Variants in GABRR1 observed in about 807,000 individuals in gnomAD.
GABRR1 encodes the protein gamma-aminobutyric acid receptor subunit rho-1.
Under a neutral mutation model 55.5 loss-of-function variants are expected in GABRR1, and 59 were observed. That is an observed-to-expected ratio of 1.06 (90% CI 0.86 to 1.32). GABRR1 has a LOEUF of 1.32. Among genes scored for constraint, GABRR1 ranks in the 40% most tolerant of loss-of-function variants. The pLI, the probability that GABRR1 is intolerant of heterozygous loss-of-function variation, is 0.00. For missense variants in GABRR1, 602 were observed against 619.1 expected (o/e 0.97, Z 0.29); for synonymous variants, 213 against 226.0 (o/e 0.94, Z 0.51).
chr6:89,212,944 T>A (rs1772875457), intron 1 of GABRR1, among the ~76,000 whole-genome samples: 1 of 152,184 alleles, frequency 6.6e-6, no homozygotes, highest in African/African-American at 2.4e-5. Flanking sequence ...AGTGCTGGGA[T>A]TACAGGCATG....
chr6:89,190,252 G>A lies in GABRR1; in HGVS notation c.573-5C>T. On this transcript the variant is annotated splice_polypyrimidine_tract_variant and splice_region_variant and intron_variant, in intron 5 of 9. Transcript: ENST00000454853. ...CACATTGCAGTTACTGTAACCCTAGGGCCAAAAAGACAAAATTGATTTATT... is the reference window on the plus strand; with the variant it reads ...CACATTGCAGTTACTGTAACCCTAGAGCCAAAAAGACAAAATTGATTTATT... 1 of 1,595,026 alleles carries A rather than the reference G, an allele frequency of 6.3e-7. No individual in the cohort carries two copies. Among genetic ancestry groups the A allele is most frequent in the Non-Finnish European group, 8.5e-7 (1 of 1,171,426 alleles).
At chr6:89,190,518 G>A (rs41273311) in intron 5 of GABRR1, among the ~76,000 whole-genome samples, 164 of 152,192 alleles carry the variant, frequency 1.1e-3, no homozygotes, top group Non-Finnish European at 2.1e-3. Context: ...AAGAAGCAAT[G>A]GTCTCAATGA....
chr6:89,226,079 G>A (rs1176006131), intron 1 of GABRR1, among the ~76,000 whole-genome samples: 1 of 152,018 alleles, frequency 6.6e-6, no homozygotes. Context: ...AGAAGTGTCT[G>A]TTCATGTCCT....
chr6:89,204,271 G>A (rs1341357363), intron 1 of GABRR1, among the ~76,000 whole-genome samples: 2 of 152,196 alleles, frequency 1.3e-5, no homozygotes, highest in Non-Finnish European at 2.9e-5. Flanking sequence ...CATCAGAACA[G>A]ATGCACAAGG....
intron 5 of GABRR1, among the ~76,000 whole-genome samples, chr6:89,196,039 A>G (rs1772262830): frequency 5.3e-5 from 8 of 152,256 alleles, no homozygotes; most frequent in Admixed American, 5.2e-4. Context: ...TTTGAAAGCT[A>G]TCATCCAATT....
chr6:89,189,662 TA>T (rs77942487), intron 6 of GABRR1, among the ~76,000 whole-genome samples: 4,933 of 142,030 alleles, frequency 0.035, 168 homozygotes, highest in African/African-American at 0.091. Flanking sequence ...AAAGTATAAT[TA>T]AAAAAAAAAA....
intron 5 of GABRR1, among the ~76,000 whole-genome samples, chr6:89,192,370 T>C (rs1772125781): frequency 6.6e-6 from 1 of 152,000 alleles, no homozygotes; most frequent in Admixed American, 6.6e-5. Context: ...GCCCCCAGAG[T>C]GGTCAGACAG....
chr6:89,226,857 G>A (rs1773210986), intron 1 of GABRR1, among the ~76,000 whole-genome samples: 1 of 51,624 alleles, frequency 1.9e-5, no homozygotes, highest in Non-Finnish European at 3.9e-5. Flanking sequence ...ACCTTGGGCA[G>A]TATGGCCATT....
At position 89,229,621 on chromosome 6, in the gene GABRR1, C is replaced by T. The variant is rs973869696; in HGVS notation, c.-411+1595G>A. Among the ~76,000 whole-genome samples, 85 of 122,582 alleles carry T rather than the reference C, an allele frequency of 6.9e-4. 2 individuals carry two copies. Among genetic ancestry groups the T allele is most frequent in the African/African-American group, 2.5e-3 (84 of 33,482 alleles). 80.4% of individuals were successfully genotyped at this position (122,582 alleles called of 152,430 possible). ...TCTCTTCTGGCTTGTAGGGTTTCTG[C>T]GGAGAGATCCGCTGTTAGTCTGATG... On this transcript the variant is annotated intron_variant, in intron 1 of 11. Coordinates refer to the GABRR1 transcript ENST00000369451.
At chr6:89,209,875 G>A (rs910263584) in intron 1 of GABRR1, among the ~76,000 whole-genome samples, 3 of 152,104 alleles carry the variant, frequency 2.0e-5, no homozygotes, top group African/African-American at 4.8e-5. Flanking sequence ...CTTTACTGGC[G>A]TGCTGTAAGA....
chr6:89,213,413 C>T (rs1562313686), intron 1 of GABRR1, among the ~76,000 whole-genome samples: 2 of 152,136 alleles, frequency 1.3e-5, no homozygotes, highest in South Asian at 2.1e-4. Flanking sequence ...GTTGGGTTGA[C>T]GTAACATTCT....
At position 89,178,380 on chromosome 6, in the gene GABRR1, C is replaced by G. The variant is rs1771605518; in HGVS notation, c.*390G>C. On this transcript the variant is annotated 3_prime_UTR_variant, in exon 10 of 10. Coordinates refer to ENST00000454853, the MANE Select transcript of GABRR1 (RefSeq NM_002042.5). ...AATGGCCTGTAGGTGCTTCCAAGTT[C>G]ACGTAGCCTGAACAATGTAATGACA... The G allele has an allele frequency of 4.9e-6, 1 of 202,766 alleles. No homozygotes were observed. The highest frequency in any genetic ancestry group is 1.0e-5 in the Non-Finnish European group (1 of 98,882). 12.6% of individuals were successfully genotyped at this position (202,766 alleles called of 1,614,324 possible).
chr6:89,210,107 C>G (rs12216134), intron 1 of GABRR1, among the ~76,000 whole-genome samples: 34 of 151,126 alleles, frequency 2.2e-4, no homozygotes, highest in African/African-American at 7.3e-4. Flanking sequence ...TTTGTGTACC[C>G]TTTTGGGCCT....
chr6:89,192,261 G>A (rs1582384408), intron 5 of GABRR1, among the ~76,000 whole-genome samples: 1 of 152,146 alleles, frequency 6.6e-6, no homozygotes, highest in East Asian at 1.9e-4. Context: ...CCACACTGCA[G>A]GTTTCCATTC....
chr6:89,190,072 A>G, intron 6 of GABRR1, 93 bp downstream of exon 6: 1 of 818,232 alleles, frequency 1.2e-6, no homozygotes, highest in East Asian at 2.8e-5. Flanking sequence ...CTACTCATGA[A>G]TAAGGAACAC....
intron 1 of GABRR1, among the ~76,000 whole-genome samples, chr6:89,229,341 C>G (rs926706300): frequency 7.4e-4 from 112 of 151,890 alleles, no homozygotes; most frequent in Middle Eastern, 3.4e-3. Context: ...TTAGTTGACA[C>G]AGTTTCTTCC....
At chr6:89,225,511 G>A (rs1362040270) in intron 1 of GABRR1, among the ~76,000 whole-genome samples, 13 of 133,684 alleles carry the variant, frequency 9.7e-5, no homozygotes, top group African/African-American at 3.2e-4. Context: ...GAGAATATGC[G>A]GTGTTTGGTT....
chr6:89,184,557 A>G (rs1360280233), intron 7 of GABRR1, among the ~76,000 whole-genome samples: 1 of 152,214 alleles, frequency 6.6e-6, no homozygotes, highest in African/African-American at 2.4e-5. Context: ...CAGCATAGCA[A>G]GAGCAGACTG....
rs145822704 is a variant in GABRR1, at chr6:89,180,326, A to G, written c.1112T>C (p.Val371Ala). 2 of 1,613,856 alleles carry G rather than the reference A, an allele frequency of 1.2e-6. No homozygotes were observed. Among genetic ancestry groups the G allele is most frequent in the South Asian group, 2.2e-5 (2 of 91,060 alleles). ...CAGCTTCTGTTCCTTCCTCTCCTGC[A>G]CAGTGGTCAGGTAGTTGACGGCCGC... ...EYAAVNYLTT[V>A]QERKEQKLRE... Residue 371 changes from valine to alanine, a missense_variant, in exon 9 of 10, where the codon GTG becomes GCG. Physicochemically the swap from Val to Ala is moderately conservative, Grantham distance 64 (BLOSUM62 0). This residue lies in a region of GABRR1 where 139 missense variants were observed against 141.1 expected (regional missense o/e 0.99). Transcript: ENST00000454853.
Sources: allele counts gnomAD v4.1 joint callset (sites outside exome capture counted in the v4.1 genomes callset), GRCh38; gene constraint gnomAD v4.1.1; regional missense constraint gnomAD v4.1.1; transcripts MANE v1.5; gene names NCBI Gene and HGNC (gene_info 2026-07-23, HGNC 2026-07-21).